The following PDXDC1 variants were observed in gnomAD, a reference collection of about 807,000 sequenced individuals.
The protein encoded by PDXDC1 is pyridoxal dependent decarboxylase domain containing 1, also known as pyridoxal-dependent decarboxylase domain-containing protein 1.
Under a neutral mutation model 100.1 loss-of-function variants are expected in PDXDC1, and 42 were observed. That is an observed-to-expected ratio of 0.42 (90% CI 0.33 to 0.54). PDXDC1 has a LOEUF of 0.54. Ranked by LOEUF, PDXDC1 falls within the 20% of genes least tolerant of loss-of-function variation. The pLI, the probability that PDXDC1 is intolerant of heterozygous loss-of-function variation, is 0.10. For missense variants in PDXDC1, 636 were observed against 979.2 expected (o/e 0.65, Z 4.68); for synonymous variants, 260 against 371.7 (o/e 0.70, Z 3.46).
At chr16:15,007,474 G>A (rs151326132) in intron 6 of PDXDC1, among the ~76,000 whole-genome samples, 862 of 152,038 alleles carry the variant, frequency 5.7e-3, no homozygotes, top group African/African-American at 0.02. Context: ...GCGCCCAGCC[G>A]AGCATGACTA....
rs200059150 is a variant in PDXDC1, at chr16:15,092,613, T to C, written c.1400-46266T>C. Reference sequence around the variant, plus strand: ...TTCTCTAATGCACGCATATTTGAAATCCTGTGGAACCAAGATTAACAAGCT... The same window carrying C: ...TTCTCTAATGCACGCATATTTGAAACCCTGTGGAACCAAGATTAACAAGCT... On this transcript the variant is annotated intron_variant, in intron 16 of 16. Transcript: ENST00000535621. 1.2e-4 allele frequency: 197 copies of C among 1,586,416 alleles called. No individual in the cohort carries two copies. The highest frequency in any genetic ancestry group is 1.7e-4 in the Middle Eastern group (1 of 6,024).
At chr16:15,122,536 AAAGG>A (rs1266143502) in intron 16 of PDXDC1, among the ~76,000 whole-genome samples, 1 of 146,100 alleles carries the variant, frequency 6.8e-6, no homozygotes, top group Non-Finnish European at 1.5e-5. Context: ...AGCCCAGTAA[AAAGG>A]AAGAAACCCC....
chr16:15,068,146 T>C (rs775592295), intron 16 of PDXDC1: 2 of 1,505,672 alleles, frequency 1.3e-6, no homozygotes, highest in Non-Finnish European at 1.8e-6. Flanking sequence ...ATAACTCCCA[T>C]CAAGAAAGCG....
intron 16 of PDXDC1, among the ~76,000 whole-genome samples, chr16:15,098,420 C>G (rs1407248585): frequency 6.6e-6 from 1 of 151,754 alleles, no homozygotes; most frequent in African/African-American, 2.4e-5. Context: ...AGGCTGGTCT[C>G]AAATGCCTGA....
chr16:15,082,617 G>A (rs1013455234), intron 16 of PDXDC1, among the ~76,000 whole-genome samples: 5 of 151,530 alleles, frequency 3.3e-5, no homozygotes, highest in African/African-American at 7.3e-5. Flanking sequence ...AGGCTGCAGC[G>A]AGCTGAGATG....
chr16:15,052,386 T>C (rs1300038761), intron 16 of PDXDC1, among the ~76,000 whole-genome samples: 2 of 152,246 alleles, frequency 1.3e-5, no homozygotes, highest in South Asian at 2.1e-4. Flanking sequence ...CCATGAGCTG[T>C]GGCTTGTTGA....
chr16:15,064,941 C>T (rs1240047555), intron 16 of PDXDC1, among the ~76,000 whole-genome samples: 13 of 152,126 alleles, frequency 8.5e-5, no homozygotes, highest in African/African-American at 2.9e-4. Flanking sequence ...CCGAGGCGGG[C>T]GGATCACGAG....
At chr16:15,100,892 G>A (rs1195887481) in intron 16 of PDXDC1, among the ~76,000 whole-genome samples, 2 of 152,102 alleles carry the variant, frequency 1.3e-5, no homozygotes, top group African/African-American at 4.8e-5. Flanking sequence ...AGGCTGAGAC[G>A]TGAGGATCAA....
chr16:15,043,186 C>T (rs2043899316), downstream of PDXDC1, among the ~76,000 whole-genome samples: 2 of 152,088 alleles, frequency 1.3e-5, no homozygotes, highest in Admixed American at 6.5e-5. Flanking sequence ...AGGCATGAGC[C>T]ACCGCACCCG....
chr16:15,034,315 G>C lies in PDXDC1; in HGVS notation c.1842G>C (p.Arg614=). Residue 614 remains arginine, a synonymous_variant, in exon 20 of 23, where the codon CGG becomes CGC. Transcript: ENST00000396410. ...TGGAAAACATGACAGAAGTGGTTCG[G>C]AAAGGCATTCAGGAAGCTCAAGTGG... is the stretch of plus-strand genomic sequence containing the variant. ...RLLENMTEVV[R]KGIQEAQVEL... 6.2e-7 allele frequency: 1 copy of C among 1,613,354 alleles called. No homozygotes were observed. Among genetic ancestry groups the C allele is most frequent in the East Asian group, 2.2e-5 (1 of 44,876 alleles).
chr16:15,062,495 C>T (rs1223629835), intron 16 of PDXDC1, among the ~76,000 whole-genome samples: 8 of 152,174 alleles, frequency 5.3e-5, no homozygotes, highest in African/African-American at 9.7e-5. Context: ...AACAGAGCAG[C>T]GAAATTCTTT....
At chr16:15,014,120 T>A (rs2151474541) in intron 8 of PDXDC1, among the ~76,000 whole-genome samples, 1 of 151,744 alleles carries the variant, frequency 6.6e-6, no homozygotes, top group East Asian at 2.0e-4. Context: ...GGCAGGAGAA[T>A]AGCTTGAACC....
chr16:15,043,012 T>C (rs2043892183), downstream of PDXDC1, among the ~76,000 whole-genome samples: 1 of 151,976 alleles, frequency 6.6e-6, no homozygotes, highest in South Asian at 2.1e-4. Flanking sequence ...GCGGTTCTCC[T>C]GCCTCAGCCT....
In PDXDC1 at chr16:15,034,440, C is replaced by T; in HGVS notation, c.1906-17C>T. The stretch of plus-strand genomic sequence containing the variant: ...CCGTGAGGCCAGGTGGCCCTGAACT[C>T]TGGTCCTGTCTTGCAGGGGGTGTTG... On this transcript the variant is annotated splice_polypyrimidine_tract_variant and intron_variant, in intron 20 of 22. Coordinates refer to ENST00000396410, the MANE Select transcript of PDXDC1 (RefSeq NM_015027.4). The T allele has an allele frequency of 3.7e-6, 6 of 1,613,916 alleles. No individual in the cohort carries two copies. Among genetic ancestry groups the T allele is most frequent in the Non-Finnish European group, 5.1e-6 (6 of 1,179,870 alleles).
At chr16:14,983,921 G>A (rs1968612576) in intron 1 of PDXDC1, among the ~76,000 whole-genome samples, 1 of 152,242 alleles carries the variant, frequency 6.6e-6, no homozygotes, top group Non-Finnish European at 1.5e-5. Flanking sequence ...TCAACACTTT[G>A]GGAGGCCAAG....
At position 15,047,997 on chromosome 16, in the gene PDXDC1, C is replaced by T. The variant is rs563624215; in HGVS notation, c.1399+17941C>T. 3.2e-5 allele frequency: 52 copies of T among 1,609,944 alleles called. No individual in the cohort carries two copies. Among genetic ancestry groups the T allele is most frequent in the Non-Finnish European group, 4.3e-5 (51 of 1,176,374 alleles). The stretch of plus-strand genomic sequence containing the variant: ...CCCAATTCACTGCTTCCTAACCTAC[C>T]ATCCTTTGGGGAGGTCACTGCAAGC... On this transcript the variant is annotated intron_variant, in intron 16 of 16. Coordinates refer to the PDXDC1 transcript ENST00000535621.
chr16:14,994,405 C>T (rs1326566192), intron 1 of PDXDC1, among the ~76,000 whole-genome samples: 1 of 152,294 alleles, frequency 6.6e-6, no homozygotes, highest in Non-Finnish European at 1.5e-5. Context: ...GAATCCTTTC[C>T]CCATTTCTTG....
chr16:15,027,679 G>A (rs371095964), intron 14 of PDXDC1, among the ~76,000 whole-genome samples: 14 of 152,414 alleles, frequency 9.2e-5, no homozygotes, highest in African/African-American at 3.4e-4. Flanking sequence ...TTGATGGCCT[G>A]CTGGCTTGCC....
intron 1 of PDXDC1, among the ~76,000 whole-genome samples, chr16:14,980,359 G>A (rs1190445960): frequency 3.3e-5 from 5 of 152,232 alleles, no homozygotes; most frequent in Non-Finnish European, 7.3e-5. Context: ...GCAGTGGTGC[G>A]ATCTCAGCTC....
Sources: gnomAD v4.1 joint callset for allele counts (sites outside exome capture counted in the v4.1 genomes callset) on GRCh38, gnomAD v4.1.1 for gene constraint, MANE v1.5 for transcripts, NCBI Gene and HGNC (gene_info 2026-07-23, HGNC 2026-07-21) for gene names.